PLXND1: variants seen among roughly 807,000 people sequenced by gnomAD.
PLXND1 encodes plexin D1.
PLXND1 carries 54 observed loss-of-function variants against 197.7 expected under a neutral mutation model. That is an observed-to-expected ratio of 0.27 (90% CI 0.22 to 0.34). The LOEUF (loss-of-function observed/expected upper bound fraction) is 0.34, where lower values mean the gene tolerates loss of function less well. Among genes scored for constraint, PLXND1 ranks in the 10% least tolerant of loss-of-function variants. The pLI is 1.00. For synonymous variants in PLXND1, 1,180 were observed against 1,161.2 expected (o/e 1.02, Z -0.33); for missense variants, 2,127 against 2,699.2 (o/e 0.79, Z 4.70).
At chr3:129,583,536 A>G in intron 8 of PLXND1, 31 bp downstream of exon 8, 7 of 1,365,612 alleles carry the variant, frequency 5.1e-6, no homozygotes, top group Non-Finnish European at 7.3e-6. Context: ...ATGAAACAGC[A>G]GAGGCGGAGG....
At chr3:129,600,389 T>C (rs2085690343) in intron 1 of PLXND1, among the ~76,000 whole-genome samples, 1 of 152,208 alleles carries the variant, frequency 6.6e-6, no homozygotes, top group Admixed American at 6.5e-5. Context: ...TTTTATTTTA[T>C]GTATTTATTT....
In PLXND1 at chr3:129,556,330, C is replaced by T. The variant is rs1276548091; in HGVS notation, c.5760G>A (p.Glu1920=). 1.2e-6 allele frequency: 2 copies of T among 1,612,094 alleles called. No homozygotes were observed. The highest frequency in any genetic ancestry group is 4.5e-5 in the East Asian group (2 of 44,872). The stretch of plus-strand genomic sequence containing the variant: ...ATGTGTCTCAGGCCTCACTGTAGCA[C>T]TCGTAGATGTTGTCCTCCATCAAAG... ...VVALMEDNIY[E]CYSEA The change falls in exon 36 of 36, where the codon GAG becomes GAA. Residue 1920 remains glutamate (E), a synonymous_variant. Transcript: ENST00000324093.
intron 25 of PLXND1, among the ~76,000 whole-genome samples, chr3:129,563,576 G>A (rs1014513613): frequency 2.1e-4 from 32 of 152,270 alleles, no homozygotes; most frequent in African/African-American, 7.2e-4. Flanking sequence ...GGCAGGAATC[G>A]GACCTGGCTC....
Position 129,584,204 on chromosome 3 carries a change from C to A in PLXND1, c.2059G>T (p.Val687Phe), listed in dbSNP as rs1423893961. The change falls in exon 7 of 36, where the codon GTC becomes TTC. Residue 687 changes from valine (V) to phenylalanine (F), a missense_variant. Val to Phe is a conservative substitution (Grantham distance 50). This residue lies in a region of PLXND1 where 1,095 missense variants were observed against 1,259.8 expected (regional missense o/e 0.87). Coordinates refer to ENST00000324093, the MANE Select transcript of PLXND1 (RefSeq NM_015103.3). ...DHVTVEMSVRVNGRNIVKANF... is the reference protein window; with the variant it reads ...DHVTVEMSVRFNGRNIVKANF... ...GCCTTGACGATGTTCCGCCCATTGA[C>A]CCTCACAGACATCTCAACAGTCACG... 5 of 1,592,160 alleles carry A rather than the reference C, an allele frequency of 3.1e-6. No individual in the cohort carries two copies. Among genetic ancestry groups the A allele is most frequent in the Non-Finnish European group, 4.3e-6 (5 of 1,168,126 alleles).
chr3:129,572,719 G>A lies in PLXND1; in HGVS notation c.2967C>T (p.Thr989=), dbSNP rs2085253762. 6.3e-7 allele frequency: 1 copy of A among 1,599,074 alleles called. No individual in the cohort carries two copies. The highest frequency in any genetic ancestry group is 8.5e-7 in the Non-Finnish European group (1 of 1,171,904). ...TGGTGCCCCCGGCCTTGGGGCCCAT[G>A]GTAGGCTCCAGGGAGTGGACCAGGG... ...VLPLVHSLEP[T]MGPKAGGTRI... Residue 989 remains threonine (T), a synonymous_variant, in exon 15 of 36, where the codon ACC becomes ACT. Transcript: ENST00000324093.
rs1295294648 is a variant in PLXND1 at position 129,596,941 on chromosome 3, G to C, written c.1312-7414C>G. On this transcript the variant is annotated intron_variant, in intron 1 of 35. Transcript: ENST00000324093. ...AGGTGACAACGGGGCCCTCTCTCCAGCTGCCCACATCCGAGCTCAGAGGCC... is the reference window on the plus strand; with the variant it reads ...AGGTGACAACGGGGCCCTCTCTCCACCTGCCCACATCCGAGCTCAGAGGCC... Among the ~76,000 whole-genome samples the C allele has an allele frequency of 2.6e-5, 4 of 152,192 alleles. No individual in the cohort carries two copies. In the East Asian group the frequency reaches 7.7e-4, roughly 29 times the overall value.
At position 129,574,201 on chromosome 3, in the gene PLXND1, T is replaced by C. The variant is rs1255172599; in HGVS notation, c.2685+135A>G. 1.2e-5 allele frequency: 9 copies of C among 742,032 alleles called. No individual in the cohort carries two copies. In the East Asian group the frequency reaches 2.5e-4, roughly 20 times the overall value. The allele number at this position is 742,032 out of a possible 1,614,324, so 46.0% of individuals were successfully genotyped here. On this transcript the variant is annotated intron_variant, in intron 12 of 35. Coordinates refer to ENST00000324093, the MANE Select transcript of PLXND1 (RefSeq NM_015103.3). ...GCTCTGTGAGGCAGAGCACTTCCTT[T>C]TGTTCACAGGTGATACTGCACCCAT...
rs377139746 is a variant in PLXND1, at chr3:129,583,694, C to T, written c.2139-25G>A. On this transcript the variant is annotated intron_variant, in intron 7 of 35. Transcript: ENST00000324093. ...GCTGGAAGACAAGGAGGCCCCTCAA[C>T]TCCTGGTTCCCCACCCCTCAACTCA... 9.3e-6 allele frequency: 14 copies of T among 1,504,298 alleles called. No homozygotes were observed. In the African/African-American group the frequency reaches 1.8e-4, roughly 19 times the overall value. The allele number at this position is 1,504,298 out of a possible 1,614,324, so 93.2% of individuals were successfully genotyped here.
At chr3:129,586,747 T>C in intron 2 of PLXND1, 28 bp from the exon 3 acceptor site, 2 of 1,594,154 alleles carry the variant, frequency 1.3e-6, no homozygotes, top group Non-Finnish European at 1.7e-6. Flanking sequence ...ATCAGGGTGC[T>C]GGAGCCCATA....
At position 129,589,360 on chromosome 3, in the gene PLXND1, C is replaced by A. The variant is rs1315807282; in HGVS notation, c.1479G>T (p.Arg493Ser). 2 of 1,533,656 alleles carry A rather than the reference C, an allele frequency of 1.3e-6. No homozygotes were observed. Among genetic ancestry groups the A allele is most frequent in the Non-Finnish European group, 1.8e-6 (2 of 1,127,292 alleles). Reference protein sequence around the residue: ...TAVFLGTVNGRLLKINLNESM... With the variant: ...TAVFLGTVNGSLLKINLNESM... The stretch of plus-strand genomic sequence containing the variant: ...CCCCAACCATACCTACCTTGAGAAG[C>A]CTCCCGTTGACCGTGCCCAGGAAGA... Residue 493 changes from arginine to serine, a missense_variant, in exon 2 of 36, where the codon AGG becomes AGT. Transcript: ENST00000324093.
intron 25 of PLXND1, among the ~76,000 whole-genome samples, chr3:129,563,620 T>TG (rs1318952574): frequency 1.3e-5 from 2 of 152,154 alleles, no homozygotes; most frequent in Non-Finnish European, 2.9e-5. Context: ...TTCTACTAAG[T>TG]GGGGGGCCCC....
intron 2 of PLXND1, among the ~76,000 whole-genome samples, 161 bp from the exon 3 acceptor site, chr3:129,586,880 C>T (rs1338063946): frequency 2.6e-5 from 4 of 152,178 alleles, no homozygotes; most frequent in African/African-American, 9.6e-5. Context: ...GGCACAGGGC[C>T]GGGCCTTGAT....
At chr3:129,597,131 A>G (rs930945474) in intron 1 of PLXND1, among the ~76,000 whole-genome samples, 2 of 152,242 alleles carry the variant, frequency 1.3e-5, no homozygotes, top group African/African-American at 4.8e-5. Context: ...ACAGTAAAGG[A>G]AACTGAGGCA....
At chr3:129,580,787 C>T (rs897716198) in intron 8 of PLXND1, among the ~76,000 whole-genome samples, 4 of 151,986 alleles carry the variant, frequency 2.6e-5, no homozygotes, top group Admixed American at 2.0e-4. Flanking sequence ...ACTCAACAAC[C>T]CAGGGACCCT....
At chr3:129,598,002 C>G (rs549563228) in intron 1 of PLXND1, among the ~76,000 whole-genome samples, 5 of 152,256 alleles carry the variant, frequency 3.3e-5, no homozygotes, top group East Asian at 1.9e-4. Context: ...CCTGGCAGGG[C>G]CAATACAGAC....
Position 129,555,268 on chromosome 3 carries a change from C to G in PLXND1, c.*1044G>C. On this transcript the variant is annotated 3_prime_UTR_variant, in exon 36 of 36. Coordinates refer to ENST00000324093, the MANE Select transcript of PLXND1 (RefSeq NM_015103.3). ...AGAAGATTCCAGAGTCCCAGCTGCCCCCCTCCAGCCCCCATGGGCTCTGAG... is the reference window on the plus strand; with the variant it reads ...AGAAGATTCCAGAGTCCCAGCTGCCGCCCTCCAGCCCCCATGGGCTCTGAG... 6.4e-6 allele frequency: 3 copies of G among 472,224 alleles called. No homozygotes were observed. The South Asian group carries it at 1.1e-4, about 18-fold the overall frequency. 29.3% of individuals were successfully genotyped at this position (472,224 alleles called of 1,614,324 possible).
Position 129,571,590 on chromosome 3 carries a change from C to T in PLXND1, c.3255G>A (p.Arg1085=). 2 of 1,613,898 alleles carry T rather than the reference C, an allele frequency of 1.2e-6. No individual in the cohort carries two copies. The highest frequency in any genetic ancestry group is 1.7e-5 in the Admixed American group (1 of 60,030). ...SPRRSPVSGG[R]TITVAGERFH... ...AACGCTCACCAGCCACTGTGATGGT[C>T]CTGCCGCCACTGCGGGGGACAGCAA... Residue 1085 remains arginine (R), a synonymous_variant, in exon 17 of 36, where the codon AGG becomes AGA. Transcript: ENST00000324093.
intron 1 of PLXND1, among the ~76,000 whole-genome samples, chr3:129,595,921 G>GCACA (rs57098603): frequency 0.1 from 15,057 of 146,370 alleles, 765 homozygotes; most frequent in Middle Eastern, 0.13. Context: ...GTGCACGCAC[G>GCACA]CACACACACA....
chr3:129,567,509 G>A lies in PLXND1; in HGVS notation c.4069C>T (p.Arg1357Cys), dbSNP rs926244669. 3 of 1,600,802 alleles carry A rather than the reference G, an allele frequency of 1.9e-6. No homozygotes were observed. The highest frequency in any genetic ancestry group is 2.6e-6 in the Non-Finnish European group (3 of 1,170,852). Residue 1357 changes from arginine to cysteine, a missense_variant, in exon 22 of 36, where the codon CGC (arginine) becomes TGC (cysteine). Physicochemically the swap from Arg to Cys is radical, Grantham distance 180. Around this residue, in one of 6 missense-constraint regions of PLXND1, gnomAD observed 532 missense variants for 811.0 expected, o/e 0.66. Coordinates refer to ENST00000324093, the MANE Select transcript of PLXND1 (RefSeq NM_015103.3). ...GGGCTGACCTTGGGGAAGAAGGTGC[G>A]GGTCACGAAGTGCTTATACTCCAGG... The part of the protein sequence containing the change: ...PFLEYKHFVT[R>C]TFFPKCSSLY...
Sources: allele counts gnomAD v4.1 joint callset (sites outside exome capture counted in the v4.1 genomes callset), GRCh38; gene constraint gnomAD v4.1.1; regional missense constraint gnomAD v4.1.1; transcripts MANE v1.5; gene names NCBI Gene and HGNC (gene_info 2026-07-23, HGNC 2026-07-21).